FGD6: variants seen among roughly 807,000 people sequenced by gnomAD.
The protein encoded by FGD6 is FYVE, RhoGEF and PH domain containing 6, also known as FYVE, RhoGEF and PH domain-containing protein 6.
A neutral mutation model predicts 149.4 loss-of-function variants in FGD6; 90 were observed. That is an observed-to-expected ratio of 0.60 (90% CI 0.51 to 0.72). The LOEUF is 0.72. Among genes scored for constraint, FGD6 ranks in the 30% least tolerant of loss-of-function variants. The pLI is 0.00. For missense variants in FGD6, 1,437 were observed against 1,684.8 expected (o/e 0.85, Z 2.57); for synonymous variants, 527 against 584.0 (o/e 0.90, Z 1.41).
chr12:95,150,830 GTGGCTCATGCC>G (rs1880289185), intron 5 of FGD6, among the ~76,000 whole-genome samples: 3 of 152,164 alleles, frequency 2.0e-5, no homozygotes, highest in South Asian at 2.1e-4. Flanking sequence ...GCTGGGCATA[GTGGCTCATGCC>G]TGTAATTCCA....
At chr12:95,159,603 C>T (rs1880578944) in intron 3 of FGD6, among the ~76,000 whole-genome samples, 1 of 152,138 alleles carries the variant, frequency 6.6e-6, no homozygotes, top group Admixed American at 6.6e-5. Flanking sequence ...TTTGGGAGGC[C>T]AAGGCAGGCA....
chr12:95,112,395 T>C (rs1878855476), intron 9 of FGD6, among the ~76,000 whole-genome samples: 1 of 151,796 alleles, frequency 6.6e-6, no homozygotes, highest in South Asian at 2.1e-4. Flanking sequence ...AGGTCAGGAG[T>C]TCGAGACCAG....
intron 1 of FGD6, among the ~76,000 whole-genome samples, chr12:95,215,431 C>A (rs2056748510): frequency 6.6e-6 from 1 of 152,180 alleles, no homozygotes; most frequent in Non-Finnish European, 1.5e-5. Flanking sequence ...CCATAATCAG[C>A]TTGTAAGAAC....
In FGD6 at chr12:95,197,758, T is replaced by A. The variant is rs527769230; in HGVS notation, c.2441+11085A>T. Among the ~76,000 whole-genome samples, 6 of 152,288 alleles carry A rather than the reference T, an allele frequency of 3.9e-5. No individual in the cohort carries two copies. In the South Asian group the frequency reaches 1.0e-3, roughly 26 times the overall value. ...AACTGGTTAAAAAAAGCAGCTCTCA[T>A]GTAAATCAGTGGGGAAATATGAGAC... On this transcript the variant is annotated intron_variant, in intron 2 of 20. Transcript: ENST00000343958.
chr12:95,152,542 T>C (rs1027281009), intron 5 of FGD6, among the ~76,000 whole-genome samples: 2 of 152,204 alleles, frequency 1.3e-5, no homozygotes, highest in African/African-American at 2.4e-5. Context: ...CATGTATTGC[T>C]AATGCAAAAC....
At chr12:95,098,154 T>C (rs1054718347) in intron 14 of FGD6, among the ~76,000 whole-genome samples, 1 of 152,096 alleles carries the variant, frequency 6.6e-6, no homozygotes, top group African/African-American at 2.4e-5. Flanking sequence ...TCACATTCCA[T>C]ATGCACACCT....
chr12:95,187,842 G>C (rs556871901), intron 2 of FGD6, among the ~76,000 whole-genome samples: 9 of 152,174 alleles, frequency 5.9e-5, no homozygotes, highest in Admixed American at 3.3e-4. Flanking sequence ...CTTATTTTTG[G>C]TAGCTTACTA....
chr12:95,209,494 G>A lies in FGD6; in HGVS notation c.1790C>T (p.Ala597Val), dbSNP rs763546809. 2.5e-6 allele frequency: 4 copies of A among 1,613,394 alleles called. No homozygotes were observed. Among genetic ancestry groups the A allele is most frequent in the Non-Finnish European group, 3.4e-6 (4 of 1,179,776 alleles). ...CGATTTTGCTCTGGGCTTGGTTAGGGCTGTTGAAGGCTCACTGTTTGACGA... is the reference window on the plus strand; with the variant it reads ...CGATTTTGCTCTGGGCTTGGTTAGGACTGTTGAAGGCTCACTGTTTGACGA... ...TVSSNSEPST[A>V]LTKPRAKSLS... The change falls in exon 2 of 21, where the codon GCC becomes GTC. Residue 597 changes from alanine (A) to valine (V), a missense_variant. Ala to Val is a moderately conservative substitution (Grantham distance 64, BLOSUM62 0). Transcript: ENST00000343958.
intron 2 of FGD6, among the ~76,000 whole-genome samples, chr12:95,182,187 A>T (rs66496562): frequency 4.7e-5 from 1 of 21,450 alleles, no homozygotes. Flanking sequence ...TCACAGTTGC[A>T]TACACATATT....
chr12:95,146,547 G>T (rs975338442), intron 5 of FGD6, among the ~76,000 whole-genome samples: 2 of 152,166 alleles, frequency 1.3e-5, no homozygotes, highest in Non-Finnish European at 2.9e-5. Context: ...GAGGAGTTAA[G>T]AGTGTGAAAA....
intron 14 of FGD6, among the ~76,000 whole-genome samples, chr12:95,096,409 AT>A (rs1878232999): frequency 6.6e-6 from 1 of 152,216 alleles, no homozygotes; most frequent in South Asian, 2.1e-4. Flanking sequence ...TACAAATAAA[AT>A]TTTAAATCAA....
chr12:95,162,306 TG>T (rs946871251), intron 3 of FGD6, among the ~76,000 whole-genome samples: 3 of 152,008 alleles, frequency 2.0e-5, no homozygotes, highest in African/African-American at 7.2e-5. Flanking sequence ...GTGGATCACT[TG>T]AGGCCAGGAG....
chr12:95,085,640 A>G (rs1422868962), intron 19 of FGD6, 140 bp downstream of exon 19: 3 of 885,866 alleles, frequency 3.4e-6, no homozygotes, highest in East Asian at 2.6e-5. Flanking sequence ...CACATTAAAA[A>G]TAACAGCAAC....
At chr12:95,121,502 T>TATA (rs1879191978) in intron 8 of FGD6, among the ~76,000 whole-genome samples, 1 of 144,654 alleles carries the variant, frequency 6.9e-6, no homozygotes, top group Non-Finnish European at 1.5e-5. Flanking sequence ...TATATATATA[T>TATA]TCCTTTATAA....
rs138139686 is a variant in FGD6, at chr12:95,107,621, T to C, written c.3275A>G (p.Lys1092Arg). ...EIVQPGRVFLKEGILMKLSRK... is the reference protein window; with the variant it reads ...EIVQPGRVFLREGILMKLSRK... ...AGACAGCTTCATCAGAATTCCTTCTTTGAGAAAAACCTGATTCACCCAAAC... is the reference window on the plus strand; with the variant it reads ...AGACAGCTTCATCAGAATTCCTTCTCTGAGAAAAACCTGATTCACCCAAAC... The change falls in exon 12 of 21, where the codon AAA (lysine) becomes AGA (arginine). Residue 1092 changes from lysine to arginine, a missense_variant. By Grantham distance (26) the Lys-to-Arg change is conservative (BLOSUM62 2). Transcript: ENST00000343958. 13 of 1,613,918 alleles carry C rather than the reference T, an allele frequency of 8.1e-6. No homozygotes were observed. Among genetic ancestry groups the C allele is most frequent in the African/African-American group, 6.7e-5 (5 of 74,932 alleles).
At chr12:95,138,205 AAAATAAAT>A (rs35510034) in intron 6 of FGD6, among the ~76,000 whole-genome samples, 7,696 of 135,970 alleles carry the variant, frequency 0.057, 344 homozygotes, top group East Asian at 0.19. Context: ...TTCTGTCTCA[AAAATAAAT>A]AAATAAATAA....
chr12:95,171,499 C>A (rs1880985098), intron 3 of FGD6, among the ~76,000 whole-genome samples: 1 of 152,208 alleles, frequency 6.6e-6, no homozygotes, highest in East Asian at 1.9e-4. Context: ...ACTAGAGAGA[C>A]ATTATAATGA....
chr12:95,100,458 C>T (rs1878387713), intron 14 of FGD6: 1 of 317,120 alleles, frequency 3.2e-6, no homozygotes, highest in Admixed American at 4.4e-5. Flanking sequence ...CAGGACTGCC[C>T]AGACCAGCTG....
At chr12:95,181,287 T>C (rs1881276636) in intron 2 of FGD6, among the ~76,000 whole-genome samples, 1 of 152,186 alleles carries the variant, frequency 6.6e-6, no homozygotes, top group African/African-American at 2.4e-5. Flanking sequence ...CCCATAGTTC[T>C]CCATTTGGTT....
Sources: allele counts gnomAD v4.1 joint callset (sites outside exome capture counted in the v4.1 genomes callset), GRCh38; gene constraint gnomAD v4.1.1; transcripts MANE v1.5; gene names NCBI Gene and HGNC (gene_info 2026-07-23, HGNC 2026-07-21).